Variants in ADGRV1 observed in about 807,000 individuals in gnomAD.
ADGRV1 encodes the protein G-protein coupled receptor 98.
A neutral mutation model predicts 596.2 loss-of-function variants in ADGRV1; 359 were observed. The ratio of observed to expected loss-of-function variants is 0.60; its 90% CI spans 0.55 to 0.66. The LOEUF is 0.66. Ranked by LOEUF, ADGRV1 falls within the 30% of genes least tolerant of loss-of-function variation. The probability of loss-of-function intolerance (pLI) is 0.00; values close to 1 mark genes in which losing one functional copy is unlikely to be tolerated. For synonymous variants in ADGRV1, 2,681 were observed against 2,679.2 expected (o/e 1.00, Z -0.02); for missense variants, 7,274 against 7,575.6 (o/e 0.96, Z 1.48).
At chr5:90,942,805 G>A (rs1776268969) in intron 83 of ADGRV1, among the ~76,000 whole-genome samples, 1 of 152,094 alleles carries the variant, frequency 6.6e-6, no homozygotes, top group Non-Finnish European at 1.5e-5. Context: ...CCATTTTGAG[G>A]CAGATTTTAA....
At chr5:91,104,342 T>C (rs1421206259) in intron 87 of ADGRV1, among the ~76,000 whole-genome samples, 2 of 152,234 alleles carry the variant, frequency 1.3e-5, no homozygotes, top group African/African-American at 4.8e-5. Flanking sequence ...TATTTATGGG[T>C]ACATAGTGAC....
intron 87 of ADGRV1, among the ~76,000 whole-genome samples, chr5:91,144,748 G>A (rs1795390953): frequency 6.6e-6 from 1 of 152,216 alleles, no homozygotes; most frequent in Admixed American, 6.5e-5. Flanking sequence ...GATTATATAG[G>A]TCCAGCTTCT....
chr5:91,127,862 C>G (rs1465323007), intron 87 of ADGRV1, among the ~76,000 whole-genome samples: 1 of 152,142 alleles, frequency 6.6e-6, no homozygotes, highest in Non-Finnish European at 1.5e-5. Context: ...TTAACCCTTT[C>G]CAAAATAAAG....
At chr5:90,563,765 C>A (rs1348705686) in intron 1 of ADGRV1, among the ~76,000 whole-genome samples, 1 of 152,174 alleles carries the variant, frequency 6.6e-6, no homozygotes, top group South Asian at 2.1e-4. Context: ...TGCTCTGAGG[C>A]ATATTGTGGA....
intron 82 of ADGRV1, among the ~76,000 whole-genome samples, chr5:90,856,707 T>G (rs1303060129): frequency 6.6e-6 from 1 of 152,198 alleles, no homozygotes; most frequent in South Asian, 2.1e-4. Flanking sequence ...GCCAGACTGC[T>G]TGGGTTCAAA....
At chr5:90,678,736 C>T (rs1272610078) in intron 25 of ADGRV1, among the ~76,000 whole-genome samples, 1 of 150,816 alleles carries the variant, frequency 6.6e-6, no homozygotes, top group Non-Finnish European at 1.5e-5. Context: ...ATAATGAACC[C>T]ACTCCCAGGA....
chr5:90,960,298 A>G (rs1010268168), intron 83 of ADGRV1, among the ~76,000 whole-genome samples: 3 of 152,164 alleles, frequency 2.0e-5, no homozygotes, highest in South Asian at 2.1e-4. Context: ...GCAAAAACCT[A>G]TTAAGTCAAA....
At chr5:90,877,462 A>AT (rs763635549) in intron 83 of ADGRV1, among the ~76,000 whole-genome samples, 61 of 152,190 alleles carry the variant, frequency 4.0e-4, no homozygotes, top group African/African-American at 8.4e-4. Flanking sequence ...TCTCACAAGC[A>AT]TTTTTTTGGA....
At chr5:90,604,144 A>T (rs570440409) in intron 1 of ADGRV1, among the ~76,000 whole-genome samples, 1 of 152,112 alleles carries the variant, frequency 6.6e-6, no homozygotes, top group South Asian at 2.1e-4. Context: ...TTTTCAAAAT[A>T]ATCTAGACAT....
chr5:90,833,961 T>G (rs1764739036), intron 77 of ADGRV1, among the ~76,000 whole-genome samples: 1 of 152,190 alleles, frequency 6.6e-6, no homozygotes, highest in South Asian at 2.1e-4. Flanking sequence ...GATGTCATCT[T>G]ATTACAGATT....
chr5:90,912,496 A>ATAGCACC (rs1772979231), intron 83 of ADGRV1, among the ~76,000 whole-genome samples: 1 of 152,294 alleles, frequency 6.6e-6, no homozygotes, highest in African/African-American at 2.4e-5. Context: ...GGTAGTAAGC[A>ATAGCACC]TAGCACCGAG....
rs1766802313 is a variant in ADGRV1 at position 90,854,164 on chromosome 5, A to T, written c.17557A>T (p.Thr5853Ser). The change falls in exon 81 of 90, where the codon ACA (threonine) becomes TCA (serine). Residue 5853 changes from threonine (T) to serine (S), a missense_variant. Physicochemically the swap from Thr to Ser is moderately conservative, Grantham distance 58. This residue lies in a region of ADGRV1 where 1,874 missense variants were observed against 1,970.2 expected (regional missense o/e 0.95). Transcript: ENST00000405460. ...TGCTGAGCCTAGAATTATTCCTCAG[A>T]CATCTCTGTGTCTCCTTTGGAATCA... ...YAAEPRIIPQ[T>S]SLCLLWNQAA... 1.3e-6 allele frequency: 2 copies of T among 1,556,346 alleles called. No individual in the cohort carries two copies. Among genetic ancestry groups the T allele is most frequent in the Non-Finnish European group, 1.7e-6 (2 of 1,148,814 alleles).
At chr5:90,776,639 G>A (rs1307703965) in intron 61 of ADGRV1, 63 bp downstream of exon 61, 25 of 1,520,616 alleles carry the variant, frequency 1.6e-5, no homozygotes, top group Non-Finnish European at 2.0e-5. Context: ...TAAATCATTA[G>A]TCTTAAGTTT....
chr5:91,028,732 G>GT (rs397998676), intron 85 of ADGRV1, among the ~76,000 whole-genome samples: 26,382 of 95,456 alleles, frequency 0.28, 4,348 homozygotes, highest in Non-Finnish European at 0.31. Context: ...ACTAGACTCT[G>GT]TTTTTTTTTT....
intron 87 of ADGRV1, among the ~76,000 whole-genome samples, chr5:91,106,918 G>A (rs1242785864): frequency 6.6e-6 from 1 of 152,210 alleles, no homozygotes; most frequent in Non-Finnish European, 1.5e-5. Flanking sequence ...GCAGTTGCGG[G>A]TAGAAAAGAA....
chr5:91,033,674 G>A (rs760117055), intron 85 of ADGRV1, among the ~76,000 whole-genome samples: 71 of 152,236 alleles, frequency 4.7e-4, no homozygotes, highest in South Asian at 1.2e-3. Flanking sequence ...TCTGTGAGCC[G>A]CAGGACTTCA....
At chr5:90,631,213 A>G (rs190072787) in intron 9 of ADGRV1, among the ~76,000 whole-genome samples, 1 of 152,310 alleles carries the variant, frequency 6.6e-6, no homozygotes, top group Non-Finnish European at 1.5e-5. Context: ...TTTATCTTTT[A>G]GATAACTCGA....
rs1357195249 is a variant in ADGRV1 at position 90,791,075 on chromosome 5, T to C, written c.14246T>C (p.Ile4749Thr). The change falls in exon 70 of 90, where the codon ATC becomes ACC. Residue 4749 changes from isoleucine (I) to threonine (T), a missense_variant. This residue lies in a region of ADGRV1 where 1,874 missense variants were observed against 1,970.2 expected (regional missense o/e 0.95). Coordinates refer to ENST00000405460, the MANE Select transcript of ADGRV1 (RefSeq NM_032119.4). ...GGAELDLEKS[I>T]TWFSVYANDD... ...GCCGAACTGGATCTGGAGAAGAGTA[T>C]CACATGGTTCTCTGTTTATGCAAAT... is the stretch of plus-strand genomic sequence containing the variant. 3.1e-6 allele frequency: 5 copies of C among 1,613,800 alleles called. No homozygotes were observed. Among genetic ancestry groups the C allele is most frequent in the Non-Finnish European group, 4.2e-6 (5 of 1,179,886 alleles).
chr5:90,620,364 T>C (rs2152061249), intron 4 of ADGRV1, among the ~76,000 whole-genome samples: 1 of 152,356 alleles, frequency 6.6e-6, no homozygotes, highest in Middle Eastern at 3.4e-3. Flanking sequence ...ATGATGAGCA[T>C]TTCTTCATGT....
Sources: allele counts gnomAD v4.1 joint callset (sites outside exome capture counted in the v4.1 genomes callset), GRCh38; gene constraint gnomAD v4.1.1; regional missense constraint gnomAD v4.1.1; transcripts MANE v1.5; gene names NCBI Gene and HGNC (gene_info 2026-07-23, HGNC 2026-07-21).